Variants in VMP1 observed in about 807,000 individuals in gnomAD.
The protein encoded by VMP1 is ectopic P-granules autophagy protein 3 homolog.
A neutral mutation model predicts 56.0 loss-of-function variants in VMP1; 11 were observed. That is an observed-to-expected ratio of 0.20 (90% CI 0.12 to 0.32). The LOEUF is 0.32. Ranked by LOEUF, VMP1 falls within the 10% of genes least tolerant of loss-of-function variation. The probability of loss-of-function intolerance (pLI) is 1.00; values close to 1 mark genes in which losing one functional copy is unlikely to be tolerated. For synonymous variants in VMP1, 149 were observed against 165.0 expected, an observed-to-expected ratio of 0.90 and a Z score of 0.74; for missense variants, 296 against 490.3, an observed-to-expected ratio of 0.60 and a Z score of 3.74.
At chr17:59,814,926 C>T (rs1234518041) in intron 9 of VMP1, among the ~76,000 whole-genome samples, 1 of 152,096 alleles carries the variant, frequency 6.6e-6, no homozygotes, top group African/African-American at 2.4e-5. Context: ...ATTTCTCATT[C>T]TGTGGGTAAA....
In VMP1 at chr17:59,744,062, C is replaced by T. The variant is rs533001976; in HGVS notation, c.414+5115C>T. Among the ~76,000 whole-genome samples, 10 of 151,340 alleles carry T rather than the reference C, an allele frequency of 6.6e-5. No individual in the cohort carries two copies. The South Asian group carries it at 2.1e-3, about 32-fold the overall frequency. ...TATTATTTACCAGGTTGAGGAAGTA[C>T]CCCTCTGTGCCAAATTTGCTGAGGT... On this transcript the variant is annotated intron_variant, in intron 5 of 11. Transcript: ENST00000262291.
At chr17:59,754,009 T>C (rs1256099673) in intron 5 of VMP1, among the ~76,000 whole-genome samples, 1 of 152,174 alleles carries the variant, frequency 6.6e-6, no homozygotes, top group Non-Finnish European at 1.5e-5. Context: ...TGACCATTTT[T>C]ATAGAAAAAA....
chr17:59,769,371 T>G (rs1271203937), intron 6 of VMP1, among the ~76,000 whole-genome samples: 1 of 151,900 alleles, frequency 6.6e-6, no homozygotes, highest in African/African-American at 2.4e-5. Context: ...AGATAGATTT[T>G]TTTAATTCCT....
chr17:59,713,646 G>A lies in VMP1; in HGVS notation c.-27+5898G>A, dbSNP rs184732686. Among the ~76,000 whole-genome samples, 184 of 149,364 alleles carry A rather than the reference G, an allele frequency of 1.2e-3. 1 individual carries two copies. Among genetic ancestry groups the A allele is most frequent in the African/African-American group, 4.0e-3 (161 of 40,480 alleles). On this transcript the variant is annotated intron_variant, in intron 1 of 11. Transcript: ENST00000262291. ...GTGGATCGCTTGAGTCCAGGAGTTC[G>A]AGACCAGCCTGGACAACATGGCAAA...
At chr17:59,747,141 A>T (rs1417327893) in intron 5 of VMP1, among the ~76,000 whole-genome samples, 1 of 152,260 alleles carries the variant, frequency 6.6e-6, no homozygotes, top group Non-Finnish European at 1.5e-5. Flanking sequence ...AAATGGCTCT[A>T]CTAAGCCAGG....
chr17:59,838,659 C>G (rs1243965717), intron 11 of VMP1: 4 of 409,382 alleles, frequency 9.8e-6, no homozygotes, highest in African/African-American at 2.0e-5. Flanking sequence ...TGAGTTGTTG[C>G]CTTGATCTTA....
At chr17:59,832,761 A>ATTTTTTTTTTTTTTTTTTTTTT (rs71145580) in intron 10 of VMP1, among the ~76,000 whole-genome samples, 1 of 101,346 alleles carries the variant, frequency 9.9e-6, no homozygotes. Context: ...GCCTGGCAAT[A>ATTTTTTTTTTTTTTTTTTTTTT]TTTTTTTTTT....
intron 5 of VMP1, among the ~76,000 whole-genome samples, chr17:59,754,402 G>C (rs1276871979): frequency 6.6e-6 from 1 of 152,054 alleles, no homozygotes; most frequent in Non-Finnish European, 1.5e-5. Context: ...CATTCATATG[G>C]GTTGAAATAA....
At chr17:59,776,574 A>G (rs545801457) in intron 7 of VMP1, among the ~76,000 whole-genome samples, 21 of 152,360 alleles carry the variant, frequency 1.4e-4, no homozygotes, top group African/African-American at 5.0e-4. Context: ...TATAGAAAAC[A>G]GTAGATTTAG....
chr17:59,839,967 G>C lies in VMP1; in HGVS notation c.*56G>C. 6.3e-7 allele frequency: 1 copy of C among 1,579,458 alleles called. No homozygotes were observed. On this transcript the variant is annotated 3_prime_UTR_variant, in exon 12 of 12. Transcript: ENST00000262291. ...AGTGGATGGGTTCTGCCTTAAATTG[G>C]GAGGACTCCAAGCCGGGAAGGAAAA...
At chr17:59,733,463 G>A (rs527644521) in intron 2 of VMP1, among the ~76,000 whole-genome samples, 2 of 151,606 alleles carry the variant, frequency 1.3e-5, no homozygotes, top group South Asian at 2.1e-4. Context: ...TTTGGGAGGC[G>A]GAGGTGCGTG....
chr17:59,763,931 T>TAA (rs2036145458), intron 5 of VMP1, among the ~76,000 whole-genome samples: 1 of 152,220 alleles, frequency 6.6e-6, no homozygotes, highest in Admixed American at 6.5e-5. Flanking sequence ...GGCTGCTAGT[T>TAA]ACTGTATGCT....
intron 10 of VMP1, among the ~76,000 whole-genome samples, chr17:59,823,447 C>CAA (rs71145578): frequency 1.2e-4 from 15 of 122,214 alleles, no homozygotes; most frequent in African/African-American, 5.0e-4. Context: ...AGATATGTCT[C>CAA]AAAAAAAAAA....
At chr17:59,743,287 A>T (rs2035296871) in intron 5 of VMP1, among the ~76,000 whole-genome samples, 1 of 152,012 alleles carries the variant, frequency 6.6e-6, no homozygotes, top group Admixed American at 6.6e-5. Context: ...ACCTTTCACA[A>T]CCACTGATCT....
chr17:59,713,866 C>T (rs919583575), intron 1 of VMP1, among the ~76,000 whole-genome samples: 1 of 151,218 alleles, frequency 6.6e-6, no homozygotes, highest in African/African-American at 2.4e-5. Flanking sequence ...CATGGTGAGA[C>T]CCCATCTCTA....
chr17:59,734,318 A>G (rs929540319), intron 2 of VMP1, among the ~76,000 whole-genome samples: 2 of 152,252 alleles, frequency 1.3e-5, no homozygotes, highest in East Asian at 3.8e-4. Flanking sequence ...GTTGTTCTGT[A>G]TATAGTAATG....
intron 5 of VMP1, among the ~76,000 whole-genome samples, chr17:59,750,206 C>A (rs1419716093): frequency 6.6e-6 from 1 of 151,926 alleles, no homozygotes; most frequent in African/African-American, 2.4e-5. Context: ...ATTTCTCCAG[C>A]AAATAAGTGC....
At chr17:59,811,570 G>A (rs2038052055) in intron 8 of VMP1, 100 bp from the exon 9 acceptor site, 1 of 868,230 alleles carries the variant, frequency 1.2e-6, no homozygotes, top group Non-Finnish European at 1.9e-6. Flanking sequence ...TTGCTTTGCA[G>A]TGTAAGCAGG....
At chr17:59,740,289 C>A (rs2035180733) in intron 5 of VMP1, among the ~76,000 whole-genome samples, 1 of 152,028 alleles carries the variant, frequency 6.6e-6, no homozygotes, top group African/African-American at 2.4e-5. Context: ...GCCCCATGTG[C>A]CTTGCTTGTT....
Sources: gnomAD v4.1 joint callset for allele counts (sites outside exome capture counted in the v4.1 genomes callset) on GRCh38, gnomAD v4.1.1 for gene constraint, MANE v1.5 for transcripts, NCBI Gene and HGNC (gene_info 2026-07-23, HGNC 2026-07-21) for gene names.